RNF144A: variants seen among roughly 807,000 people sequenced by gnomAD.
The protein encoded by RNF144A is ring finger protein 144A, also known as E3 ubiquitin-protein ligase RNF144A.
Under a neutral mutation model 38.7 loss-of-function variants are expected in RNF144A, and 11 were observed. The observed-to-expected ratio is 0.28, with a 90% CI of 0.18 to 0.47. RNF144A has a LOEUF of 0.47. Ranked by LOEUF, RNF144A falls within the 20% of genes least tolerant of loss-of-function variation. RNF144A has a pLI of 0.99. For synonymous variants in RNF144A, 149 were observed against 143.9 expected (o/e 1.04, Z -0.25); for missense variants, 316 against 377.2 (o/e 0.84, Z 1.34).
chr2:7,002,592 A>G (rs1359535719), intron 3 of RNF144A, among the ~76,000 whole-genome samples: 1 of 152,200 alleles, frequency 6.6e-6, no homozygotes, highest in Non-Finnish European at 1.5e-5. Context: ...GGTTTCTACT[A>G]GTCTAAAGCT....
At chr2:7,060,805 G>T (rs912025700) in intron 6 of RNF144A, among the ~76,000 whole-genome samples, 1 of 152,096 alleles carries the variant, frequency 6.6e-6, no homozygotes, top group African/African-American at 2.4e-5. Context: ...TGACCCCATC[G>T]CCCCTGCAAC....
Position 6,929,128 on chromosome 2 carries a change from A to C in RNF144A, c.-212+11506A>C, listed in dbSNP as rs536409986. ...CAGAATTGATGTTAACACATATGAC[A>C]TGTTATGTCAACAAAATTGAACTGT... On this transcript the variant is annotated intron_variant, in intron 1 of 8. Coordinates refer to ENST00000320892, the MANE Select transcript of RNF144A (RefSeq NM_014746.6). Among the ~76,000 whole-genome samples, 15 of 152,350 alleles carry C rather than the reference A, an allele frequency of 9.8e-5. 1 individual carries two copies. The South Asian group carries it at 3.1e-3, about 32-fold the overall frequency.
At chr2:7,036,023 T>C (rs1198778466) in intron 8 of RNF144A, among the ~76,000 whole-genome samples, 1 of 152,244 alleles carries the variant, frequency 6.6e-6, no homozygotes, top group Non-Finnish European at 1.5e-5. Flanking sequence ...GGTGGGCAGA[T>C]GTCTCACGTG....
chr2:7,055,718 T>G (rs901643750), intron 6 of RNF144A, among the ~76,000 whole-genome samples: 6 of 152,066 alleles, frequency 3.9e-5, no homozygotes, highest in African/African-American at 1.4e-4. Flanking sequence ...AGTTCCAAAT[T>G]TCATTCATGC....
chr2:6,956,649 G>C (rs1572263754), intron 2 of RNF144A, among the ~76,000 whole-genome samples: 2 of 152,140 alleles, frequency 1.3e-5, no homozygotes, highest in East Asian at 3.8e-4. Flanking sequence ...TTGGCTTACT[G>C]TTAATCTCAG....
At chr2:6,938,991 A>T (rs1402324385) in intron 1 of RNF144A, among the ~76,000 whole-genome samples, 1 of 152,100 alleles carries the variant, frequency 6.6e-6, no homozygotes, top group East Asian at 1.9e-4. Context: ...TAGTTGATGG[A>T]CATATGGGTC....
In RNF144A at chr2:7,002,064, A is replaced by G. The variant is rs575853777; in HGVS notation, c.135+5003A>G. On this transcript the variant is annotated intron_variant, in intron 3 of 8. Coordinates refer to ENST00000320892, the MANE Select transcript of RNF144A (RefSeq NM_014746.6). ...CAAGATCATTGACCTGGTATGCTGCAGAAAAGCTACGTGTAAACCCTAAGC... is the reference window on the plus strand; with the variant it reads ...CAAGATCATTGACCTGGTATGCTGCGGAAAAGCTACGTGTAAACCCTAAGC... Among the ~76,000 whole-genome samples, 3 of 152,342 alleles carry G rather than the reference A, an allele frequency of 2.0e-5. No homozygotes were observed. In the South Asian group the frequency reaches 6.2e-4, roughly 32 times the overall value.
At chr2:6,945,051 A>C (rs1026904318) in intron 2 of RNF144A, among the ~76,000 whole-genome samples, 1 of 152,260 alleles carries the variant, frequency 6.6e-6, no homozygotes, top group Non-Finnish European at 1.5e-5. Context: ...GTTTAAAAAG[A>C]AAAGAAATTG....
At chr2:7,026,062 A>T (rs761191053) in intron 7 of RNF144A, among the ~76,000 whole-genome samples, 3 of 152,208 alleles carry the variant, frequency 2.0e-5, no homozygotes, top group Non-Finnish European at 4.4e-5. Context: ...TCCAAGGTGA[A>T]GGAGAAGTGG....
intron 5 of RNF144A, among the ~76,000 whole-genome samples, chr2:7,014,987 A>C (rs566737524): frequency 6.6e-6 from 1 of 152,344 alleles, no homozygotes; most frequent in Non-Finnish European, 1.5e-5. Context: ...GGTAGCAGGA[A>C]GAATTTATGG....
chr2:6,981,709 G>A (rs1668643626), intron 2 of RNF144A, among the ~76,000 whole-genome samples: 1 of 152,112 alleles, frequency 6.6e-6, no homozygotes, highest in South Asian at 2.1e-4. Context: ...GTCTTACTCT[G>A]AGCCCTCCAA....
chr2:7,027,726 A>G (rs1020280169), intron 7 of RNF144A, among the ~76,000 whole-genome samples: 1 of 152,234 alleles, frequency 6.6e-6, no homozygotes, highest in Non-Finnish European at 1.5e-5. Context: ...TCTGAACAAT[A>G]GGAGGAAAGT....
At chr2:6,928,415 G>A (rs1458497437) in intron 1 of RNF144A, among the ~76,000 whole-genome samples, 1 of 152,160 alleles carries the variant, frequency 6.6e-6, no homozygotes, top group South Asian at 2.1e-4. Context: ...AGGGCAGATG[G>A]CACCGAATGG....
intron 6 of RNF144A, among the ~76,000 whole-genome samples, chr2:7,061,139 A>T (rs1398341608): frequency 6.6e-6 from 1 of 152,192 alleles, no homozygotes; most frequent in East Asian, 1.9e-4. Flanking sequence ...GGATATAAAA[A>T]AGCTGCTATG....
intron 8 of RNF144A, 68 bp from the exon 9 acceptor site, chr2:7,039,561 T>C: frequency 6.3e-7 from 1 of 1,584,082 alleles, no homozygotes; most frequent in Non-Finnish European, 8.6e-7. Flanking sequence ...GTTGTGTGGT[T>C]TACACTTTAG....
downstream of RNF144A, among the ~76,000 whole-genome samples, chr2:7,071,117 G>A (rs1674466531): frequency 6.6e-6 from 1 of 151,956 alleles, no homozygotes. Flanking sequence ...TGTATTTTTA[G>A]TAGAGACAGA....
rs183074540 is a variant in RNF144A, at chr2:7,006,548, T to A, written c.136-7906T>A. Reference sequence around the variant, plus strand: ...TGCCCGTACTGGCCTCAGAGGAGAGTTGTGGCCCCGCTACCCCAACCCTTG... The same window carrying A: ...TGCCCGTACTGGCCTCAGAGGAGAGATGTGGCCCCGCTACCCCAACCCTTG... On this transcript the variant is annotated intron_variant, in intron 3 of 8. Coordinates refer to ENST00000320892, the MANE Select transcript of RNF144A (RefSeq NM_014746.6). Among the ~76,000 whole-genome samples, 478 of 150,640 alleles carry A rather than the reference T, an allele frequency of 3.2e-3. 1 individual carries two copies. The highest frequency in any genetic ancestry group is 0.011 in the African/African-American group (459 of 40,936).
intron 3 of RNF144A, among the ~76,000 whole-genome samples, chr2:7,009,136 A>C (rs775466531): frequency 1.3e-5 from 2 of 152,088 alleles, no homozygotes; most frequent in Non-Finnish European, 2.9e-5. Flanking sequence ...CATACACAGC[A>C]TGCGGGCTGG....
intron 3 of RNF144A, among the ~76,000 whole-genome samples, chr2:7,010,386 G>C (rs1190858979): frequency 6.6e-6 from 1 of 152,182 alleles, no homozygotes; most frequent in African/African-American, 2.4e-5. Context: ...GGACCTGCCT[G>C]CGTGTAATGT....
Sources: gnomAD v4.1 joint callset for allele counts (sites outside exome capture counted in the v4.1 genomes callset) on GRCh38, gnomAD v4.1.1 for gene constraint, MANE v1.5 for transcripts, NCBI Gene and HGNC (gene_info 2026-07-23, HGNC 2026-07-21) for gene names.